NCF4: variants seen among roughly 807,000 people sequenced by gnomAD.
The protein encoded by NCF4 is neutrophil cytosol factor 4.
NCF4 carries 30 observed loss-of-function variants against 41.7 expected under a neutral mutation model. The observed-to-expected ratio is 0.72, with a 90% CI of 0.54 to 0.97. The LOEUF (loss-of-function observed/expected upper bound fraction) is 0.97, where lower values mean the gene tolerates loss of function less well. Ranked by LOEUF, NCF4 falls within the 50% of genes least tolerant of loss-of-function variation. NCF4 has a pLI of 0.00. For missense variants in NCF4, 432 were observed against 460.9 expected, an observed-to-expected ratio of 0.94 and a Z score of 0.57; for synonymous variants, 195 against 175.8, an observed-to-expected ratio of 1.11 and a Z score of -0.87.
chr22:36,872,465 A>C, intron 7 of NCF4, 40 bp downstream of exon 7: 1 of 1,471,728 alleles, frequency 6.8e-7, no homozygotes, highest in Non-Finnish European at 9.4e-7. Context: ...ATTGAAGGTG[A>C]GGTTGGAGGG....
intron 4 of NCF4, among the ~76,000 whole-genome samples, chr22:36,869,807 C>T (rs1231256685): frequency 6.6e-6 from 1 of 152,220 alleles, no homozygotes; most frequent in Non-Finnish European, 1.5e-5. Flanking sequence ...CTTTCCCTCT[C>T]CAAGCATCAG....
chr22:36,870,347 C>T, intron 4 of NCF4, 68 bp from the exon 5 acceptor site: 4 of 1,608,786 alleles, frequency 2.5e-6, no homozygotes, highest in Admixed American at 1.7e-5. Context: ...GGGGACGGGA[C>T]ATCTAGGCTG....
At chr22:36,876,150 G>A in intron 9 of NCF4, 56 bp downstream of exon 9, 1 of 1,479,080 alleles carries the variant, frequency 6.8e-7, no homozygotes. Context: ...GAGAGCGCAG[G>A]GAGAAATGTT....
intron 1 of NCF4, among the ~76,000 whole-genome samples, chr22:36,863,409 G>GC (rs1179050599): frequency 6.6e-6 from 1 of 151,452 alleles, no homozygotes; most frequent in Non-Finnish European, 1.5e-5. Context: ...CTGCGCCTAT[G>GC]CCTCGAGCAT....
Position 36,864,891 on chromosome 22 carries a change from CCCTCCCCACAA to C in NCF4, c.118-23_118-13del, listed in dbSNP as rs764650019. On this transcript the variant is annotated splice_polypyrimidine_tract_variant and intron_variant, in intron 2 of 9. Coordinates refer to ENST00000248899, the MANE Select transcript of NCF4 (RefSeq NM_000631.5). Reference sequence around the variant, plus strand: ...TTGGCTTGTGCTCCTGGCCCCTGAGCCCTCCCCACAACCTCTGTCCTCCTTAGGTTTTCGTC... The same window carrying C: ...TTGGCTTGTGCTCCTGGCCCCTGAGCCCTCTGTCCTCCTTAGGTTTTCGTC... The C allele has an allele frequency of 1.1e-5, 18 of 1,613,668 alleles. No homozygotes were observed. The highest frequency in any genetic ancestry group is 1.4e-5 in the Non-Finnish European group (17 of 1,179,996).
chr22:36,867,651 G>A (rs1042258042), intron 4 of NCF4, among the ~76,000 whole-genome samples, 189 bp downstream of exon 4: 1 of 152,218 alleles, frequency 6.6e-6, no homozygotes, highest in Non-Finnish European at 1.5e-5. Flanking sequence ...TCCAGAGATA[G>A]GAGCAGGAGC....
rs1939763387 is a variant in NCF4, at chr22:36,861,095, G to T, written c.-77G>T. 3 of 1,534,802 alleles carry T rather than the reference G, an allele frequency of 2.0e-6. No individual in the cohort carries two copies. The highest frequency in any genetic ancestry group is 2.6e-6 in the Non-Finnish European group (3 of 1,132,100). On this transcript the variant is annotated 5_prime_UTR_variant, in exon 1 of 10. Transcript: ENST00000248899. The stretch of plus-strand genomic sequence containing the variant: ...GCTGAGACGAGACGCAGGGTGGCTG[G>T]AGGAAGTGAGAGGTGAACTCAGCCT...
At chr22:36,867,241 T>C in intron 3 of NCF4, 151 bp from the exon 4 acceptor site, 1 of 763,270 alleles carries the variant, frequency 1.3e-6, no homozygotes, top group Non-Finnish European at 2.3e-6. Context: ...GGTGCCAGAG[T>C]GGCCACTTCA....
At chr22:36,863,271 T>C (rs1312389994) in intron 1 of NCF4, among the ~76,000 whole-genome samples, 2 of 152,192 alleles carry the variant, frequency 1.3e-5, no homozygotes, top group South Asian at 2.1e-4. Flanking sequence ...GCTGTGTTTG[T>C]TACAGATGGG....
Position 36,877,919 on chromosome 22 carries a change from C to G in NCF4, c.*96C>G, listed in dbSNP as rs182197208. On this transcript the variant is annotated 3_prime_UTR_variant, in exon 10 of 10. Transcript: ENST00000248899. ...AGGAAAACCTGGGAGGATGGGCAGA[C>G]TTCCTGTCTTTGAGGCTAATGGACC... 8.8e-5 allele frequency: 114 copies of G among 1,289,594 alleles called. No individual in the cohort carries two copies. The East Asian group carries it at 2.5e-3, about 28-fold the overall frequency. The allele number at this position is 1,289,594 out of a possible 1,614,324, so 79.9% of individuals were successfully genotyped here. A position where few individuals can be genotyped will look rare whatever the true frequency, so the allele number is the denominator to read the frequency against.
At chr22:36,872,671 ATGGAGGTGAGATTGGAGGTAAGGT>A (rs1345030710) in intron 7 of NCF4, among the ~76,000 whole-genome samples, 1,295 of 24,882 alleles carry the variant, frequency 0.052, 32 homozygotes, top group African/African-American at 0.1. Context: ...GGAGGTGAGG[ATGGAGGTGAGATTGGAGGTAAGGT>A]TGGAGGTGAG....
Position 36,867,664 on chromosome 22 carries a change from C to T in NCF4, c.342+202C>T, listed in dbSNP as rs760519. Among the ~76,000 whole-genome samples, 128,708 of 152,176 alleles carry T rather than the reference C, an allele frequency of 0.85. 54,588 individuals are homozygous for T. The highest frequency in any genetic ancestry group is 0.9 in the African/African-American group (37,330 of 41,524). On this transcript the variant is annotated intron_variant, in intron 4 of 9. Coordinates refer to ENST00000248899, the MANE Select transcript of NCF4 (RefSeq NM_000631.5). ...GTTCCAGAGATAGGAGCAGGAGCAA[C>T]GGAGAAGGTAAAAGAGCCACACTAG...
intron 7 of NCF4, among the ~76,000 whole-genome samples, chr22:36,873,303 G>A (rs1324053514): frequency 6.7e-6 from 1 of 150,260 alleles, no homozygotes; most frequent in Admixed American, 6.6e-5. Flanking sequence ...ATGAAGGTGA[G>A]GTTGGAAGTG....
At chr22:36,861,325 A>G (rs899052737) in intron 1 of NCF4, 122 bp downstream of exon 1, 23 of 1,236,466 alleles carry the variant, frequency 1.9e-5, no homozygotes, top group Non-Finnish European at 2.5e-5. Flanking sequence ...GTCAGAACCC[A>G]AATACTCAGA....
At chr22:36,871,739 C>G in intron 6 of NCF4, 30 bp downstream of exon 6, 2 of 1,551,674 alleles carry the variant, frequency 1.3e-6, no homozygotes, top group South Asian at 2.4e-5. Flanking sequence ...TGGCCAGGCT[C>G]TCACACTGTG....
chr22:36,865,135 T>C lies in NCF4; in HGVS notation c.271+63T>C. 5 of 1,585,546 alleles carry C rather than the reference T, an allele frequency of 3.2e-6. No individual in the cohort carries two copies. The highest frequency in any genetic ancestry group is 4.3e-6 in the Non-Finnish European group (5 of 1,168,030). On this transcript the variant is annotated intron_variant, in intron 3 of 9. Transcript: ENST00000248899. This position sits in a 1 kb window ranked among gnomAD's most constrained non-coding sequence, Gnocchi z 4.3. ...TGACTCTCCTTCCTTCCAGGGCCCC[T>C]GACACTGTTCTGTGATTTGATCTCA...
Position 36,877,849 on chromosome 22 carries a change from G to C in NCF4, c.*26G>C, listed in dbSNP as rs1188139668. On this transcript the variant is annotated 3_prime_UTR_variant, in exon 10 of 10. Transcript: ENST00000248899. ...GCTGACGGTGTCCCTGGAGCAGTGA[G>C]GGGACACCAGCAAAAACCTTCAGCT... is the stretch of plus-strand genomic sequence containing the variant. The C allele has an allele frequency of 1.8e-5, 28 of 1,596,486 alleles. No individual in the cohort carries two copies. Among genetic ancestry groups the C allele is most frequent in the Non-Finnish European group, 2.2e-5 (26 of 1,169,670 alleles).
intron 5 of NCF4, 131 bp downstream of exon 5, chr22:36,870,673 G>T: frequency 7.8e-7 from 1 of 1,275,380 alleles, no homozygotes. Flanking sequence ...AGGATGATTT[G>T]ATTTATTAGA....
intron 4 of NCF4, among the ~76,000 whole-genome samples, chr22:36,868,962 C>T (rs1396194178): frequency 1.3e-5 from 2 of 152,192 alleles, no homozygotes; most frequent in East Asian, 3.9e-4. Context: ...GTAAGTCCTA[C>T]CCACTGGTCT....
Sources: allele counts gnomAD v4.1 joint callset (sites outside exome capture counted in the v4.1 genomes callset), GRCh38; gene constraint gnomAD v4.1.1; non-coding constraint Gnocchi (gnomAD v3.1); transcripts MANE v1.5; gene names NCBI Gene and HGNC (gene_info 2026-07-23, HGNC 2026-07-21).